The following UBE2G1 variants were observed in gnomAD, a reference collection of about 807,000 sequenced individuals.
The protein encoded by UBE2G1 is ubiquitin-conjugating enzyme E2 G1.
A neutral mutation model predicts 22.7 loss-of-function variants in UBE2G1; 5 were observed. The ratio of observed to expected loss-of-function variants is 0.22; its 90% CI spans 0.12 to 0.46. The LOEUF is 0.46. Among genes scored for constraint, UBE2G1 ranks in the 20% least tolerant of loss-of-function variants. The pLI is 0.99. For synonymous variants in UBE2G1, 74 were observed against 67.5 expected (o/e 1.10, Z -0.47); for missense variants, 88 against 203.9 (o/e 0.43, Z 3.46).
intron 1 of UBE2G1, among the ~76,000 whole-genome samples, chr17:4,340,894 T>TAAAAA (rs778447316): frequency 9.0e-6 from 1 of 111,076 alleles, no homozygotes; most frequent in African/African-American, 3.9e-5. Context: ...TTCACGTATT[T>TAAAAA]AAAAAAAAAA....
Position 4,271,309 on chromosome 17 carries a change from T to A in UBE2G1, c.*1245A>T, listed in dbSNP as rs1487047002. The A allele has an allele frequency of 6.6e-6, 1 of 152,666 alleles. No individual in the cohort carries two copies. The highest frequency in any genetic ancestry group is 1.5e-5 in the Non-Finnish European group (1 of 68,040). 9.5% of individuals were successfully genotyped at this position (152,666 alleles called of 1,614,324 possible). A position where few individuals can be genotyped will look rare whatever the true frequency, so the allele number is the denominator to read the frequency against. On this transcript the variant is annotated 3_prime_UTR_variant, in exon 6 of 6. Coordinates refer to ENST00000396981, the MANE Select transcript of UBE2G1 (RefSeq NM_003342.5). ...AAATACATATACTGCCATGGCCATG[T>A]GATTTTCAAGTATTAAAAGTTCATT...
chr17:4,357,236 TTTCAAGTAA>T (rs1969916062), intron 1 of UBE2G1, among the ~76,000 whole-genome samples: 2 of 152,078 alleles, frequency 1.3e-5, no homozygotes, highest in Admixed American at 6.6e-5. Context: ...CAGTGCCTGG[TTTCAAGTAA>T]CCCTTATTTT....
chr17:4,313,002 G>A (rs1969329242), intron 1 of UBE2G1, among the ~76,000 whole-genome samples: 1 of 152,190 alleles, frequency 6.6e-6, no homozygotes, highest in Non-Finnish European at 1.5e-5. Context: ...AAGTGTAGTA[G>A]TCACGGGTAA....
At chr17:4,318,342 A>G (rs1328337663) in intron 1 of UBE2G1, among the ~76,000 whole-genome samples, 1 of 152,084 alleles carries the variant, frequency 6.6e-6, no homozygotes, top group Admixed American at 6.6e-5. Context: ...ACGCCCAACT[A>G]TGTTTCTAGT....
intron 3 of UBE2G1, among the ~76,000 whole-genome samples, chr17:4,292,333 AC>A (rs1177201396): frequency 8.7e-5 from 11 of 126,350 alleles, no homozygotes; most frequent in African/African-American, 2.6e-4. Flanking sequence ...AAAAAAAAAA[AC>A]CCAAACCAAA....
rs1227569128 is a variant in UBE2G1 at position 4,269,427 on chromosome 17, G to A, written c.*3127C>T. On this transcript the variant is annotated 3_prime_UTR_variant, in exon 6 of 6. Coordinates refer to ENST00000396981, the MANE Select transcript of UBE2G1 (RefSeq NM_003342.5). ...CAACATTATGTCAAATTTCAAAGAT[G>A]CTGAGAAGTGGCAGTACAAAAAAGG... The A allele has an allele frequency of 6.2e-6, 1 of 161,036 alleles. No individual in the cohort carries two copies. Among genetic ancestry groups the A allele is most frequent in the East Asian group, 1.9e-4 (1 of 5,200 alleles). The allele number at this position is 161,036 out of a possible 1,614,324, so 10.0% of individuals were successfully genotyped here. A position where few individuals can be genotyped will look rare whatever the true frequency, so the allele number is the denominator to read the frequency against.
At chr17:4,280,330 C>A (rs959692350) in intron 5 of UBE2G1, among the ~76,000 whole-genome samples, 2 of 133,842 alleles carry the variant, frequency 1.5e-5, no homozygotes, top group African/African-American at 5.4e-5. Flanking sequence ...AGCCGCGGCA[C>A]CTGGGCTTTT....
chr17:4,275,826 C>A (rs1368494206), intron 5 of UBE2G1, among the ~76,000 whole-genome samples: 2 of 152,186 alleles, frequency 1.3e-5, no homozygotes, highest in East Asian at 3.9e-4. Flanking sequence ...TACACAGCCA[C>A]CCAGTGTACT....
chr17:4,338,695 TATGC>T (rs1969677397), intron 1 of UBE2G1, among the ~76,000 whole-genome samples: 1 of 152,250 alleles, frequency 6.6e-6, no homozygotes, highest in African/African-American at 2.4e-5. Context: ...AGCTAGGCAG[TATGC>T]ATGCTTCAAC....
chr17:4,272,917 T>C (rs1031263232), intron 5 of UBE2G1, among the ~76,000 whole-genome samples: 2 of 152,288 alleles, frequency 1.3e-5, no homozygotes, highest in East Asian at 3.9e-4. Flanking sequence ...TAAGAGAAGA[T>C]TTAAAAGCCA....
chr17:4,294,468 A>G (rs1185380199), intron 3 of UBE2G1, among the ~76,000 whole-genome samples: 2 of 152,080 alleles, frequency 1.3e-5, no homozygotes, highest in African/African-American at 4.8e-5. Flanking sequence ...AAGAAAAGAA[A>G]AAAAAGTCTC....
At chr17:4,274,687 A>C (rs1968801298) in intron 5 of UBE2G1, among the ~76,000 whole-genome samples, 1 of 152,214 alleles carries the variant, frequency 6.6e-6, no homozygotes, top group African/African-American at 2.4e-5. Flanking sequence ...CTAAGTAACA[A>C]ATATATCACC....
Position 4,271,393 on chromosome 17 carries a change from G to T in UBE2G1, c.*1161C>A, listed in dbSNP as rs186461618. 6.6e-6 allele frequency: 1 copy of T among 152,518 alleles called. No homozygotes were observed. The highest frequency in any genetic ancestry group is 2.4e-5 in the African/African-American group (1 of 41,396). 9.4% of individuals were successfully genotyped at this position (152,518 alleles called of 1,614,324 possible). ...CACTTCTCTGGCACTCAGTATTATA[G>T]CCTTCATTCAATACAATAAAAGCCA... On this transcript the variant is annotated 3_prime_UTR_variant, in exon 6 of 6. Coordinates refer to ENST00000396981, the MANE Select transcript of UBE2G1 (RefSeq NM_003342.5).
intron 1 of UBE2G1, among the ~76,000 whole-genome samples, chr17:4,329,670 G>C (rs1435940528): frequency 6.6e-6 from 1 of 152,016 alleles, no homozygotes; most frequent in Non-Finnish European, 1.5e-5. Flanking sequence ...TTTTGTGGTT[G>C]GTTAAGGATT....
intron 1 of UBE2G1, among the ~76,000 whole-genome samples, chr17:4,318,073 T>C (rs943884082): frequency 6.6e-6 from 1 of 152,202 alleles, no homozygotes; most frequent in Non-Finnish European, 1.5e-5. Context: ...CATTTCTATT[T>C]TTTGAGTCTC....
Position 4,366,612 on chromosome 17 carries a change from C to G in UBE2G1, c.-296G>C, listed in dbSNP as rs991033175. The G allele has an allele frequency of 1.0e-3, 335 of 322,116 alleles. 4 individuals are homozygous for G. In the East Asian group the frequency reaches 0.015, roughly 14 times the overall value. 20.0% of individuals were successfully genotyped at this position (322,116 alleles called of 1,614,324 possible). A position where few individuals can be genotyped will look rare whatever the true frequency, so the allele number is the denominator to read the frequency against. ...CCTTCAACCCGCCCGTCGGCCCCAC[C>G]GGTGCCTTCCCCCGCCACTGCCTCA... On this transcript the variant is annotated 5_prime_UTR_variant, in exon 1 of 6. Coordinates refer to ENST00000396981, the MANE Select transcript of UBE2G1 (RefSeq NM_003342.5).
At chr17:4,302,106 A>G (rs1969188597) in intron 2 of UBE2G1, 2 of 525,132 alleles carry the variant, frequency 3.8e-6, no homozygotes, top group African/African-American at 3.9e-5. Flanking sequence ...CCTGTGGCTC[A>G]TATTTATCAT....
In UBE2G1 at chr17:4,270,602, G is replaced by A. The variant is rs1598174931; in HGVS notation, c.*1952C>T. The stretch of plus-strand genomic sequence containing the variant: ...ATTGTATTCCAAGTCCCTGGAGGGT[G>A]TGCAGTGCTGACATTTTGGGGCAAC... On this transcript the variant is annotated 3_prime_UTR_variant, in exon 6 of 6. Transcript: ENST00000396981. 1 of 151,016 alleles carries A rather than the reference G, an allele frequency of 6.6e-6. No individual in the cohort carries two copies. Among genetic ancestry groups the A allele is most frequent in the Non-Finnish European group, 1.5e-5 (1 of 67,782 alleles). 9.4% of individuals were successfully genotyped at this position (151,016 alleles called of 1,614,324 possible).
rs561575132 is a variant in UBE2G1 at position 4,357,776 on chromosome 17, C to A, written c.46+8495G>T. On this transcript the variant is annotated intron_variant, in intron 1 of 5. Transcript: ENST00000396981. ...TCCCACCACTGCACTCCAGCCTGGG[C>A]AACAAGAGCGGAACTCTGTCTCAAA... 7.2e-5 allele frequency among the ~76,000 whole-genome samples: 11 copies of A among 151,932 alleles called. No homozygotes were observed. The South Asian group carries it at 2.1e-3, about 29-fold the overall frequency.
Sources: gnomAD v4.1 joint callset for allele counts (sites outside exome capture counted in the v4.1 genomes callset) on GRCh38, gnomAD v4.1.1 for gene constraint, MANE v1.5 for transcripts, NCBI Gene and HGNC (gene_info 2026-07-23, HGNC 2026-07-21) for gene names.